MED13: variants seen among roughly 807,000 people sequenced by gnomAD.
MED13 encodes the protein mediator complex subunit 13.
Under a neutral mutation model 225.2 loss-of-function variants are expected in MED13, and 23 were observed. The ratio of observed to expected loss-of-function variants is 0.10; its 90% CI spans 0.07 to 0.14. The LOEUF (loss-of-function observed/expected upper bound fraction) is 0.14, where lower values mean the gene tolerates loss of function less well. Ranked by LOEUF, MED13 falls within the 10% of genes least tolerant of loss-of-function variation. The probability of loss-of-function intolerance (pLI) is 1.00; values close to 1 mark genes in which losing one functional copy is unlikely to be tolerated. For missense variants in MED13, 2,197 were observed against 2,594.5 expected (o/e 0.85, Z 3.33); for synonymous variants, 942 against 889.2 (o/e 1.06, Z -1.06).
In MED13 at chr17:61,996,290, C is replaced by T. The variant is rs550163225; in HGVS notation, c.1968-925G>A. On this transcript the variant is annotated intron_variant, in intron 9 of 29. Coordinates refer to ENST00000397786, the MANE Select transcript of MED13 (RefSeq NM_005121.3). ...TCATTAGCTTCTGGTTTGCATAAGA[C>T]ATGTTTAGACTCTCAAATTCCTATT... 1.2e-4 allele frequency among the ~76,000 whole-genome samples: 18 copies of T among 152,332 alleles called. No individual in the cohort carries two copies. In the East Asian group the frequency reaches 3.5e-3, roughly 29 times the overall value.
intron 11 of MED13, among the ~76,000 whole-genome samples, chr17:61,991,496 C>T (rs1250684130): frequency 2.6e-5 from 4 of 151,474 alleles, no homozygotes; most frequent in Admixed American, 1.3e-4. Flanking sequence ...TGCACCACCA[C>T]GCCCAGCTAA....
intron 17 of MED13, among the ~76,000 whole-genome samples, chr17:61,970,836 G>A (rs1183863693): frequency 6.6e-6 from 1 of 151,034 alleles, no homozygotes; most frequent in Non-Finnish European, 1.5e-5. Context: ...ACCAGCCTGG[G>A]CAACATGGCA....
rs376511078 is a variant in MED13, at chr17:62,029,854, T to C, written c.1169A>G (p.Asn390Ser). ...ACTTATAAATGAAAATACACACTTGTTCTGTGCTCTGTTCATATTGCATTC... is the reference window on the plus strand; with the variant it reads ...ACTTATAAATGAAAATACACACTTGCTCTGTGCTCTGTTCATATTGCATTC... ...WQECNMNRAQ[N>S]KRKYSASSGG... The change falls in exon 7 of 30, where the codon AAC becomes AGC. Residue 390 changes from asparagine to serine, a missense_variant. By Grantham distance (46) the Asn-to-Ser change is conservative. Transcript: ENST00000397786. The C allele has an allele frequency of 1.7e-4, 267 of 1,599,254 alleles. No individual in the cohort carries two copies. Among genetic ancestry groups the C allele is most frequent in the Non-Finnish European group, 2.2e-4 (261 of 1,175,350 alleles).
chr17:61,964,405 C>G (rs2080035324), intron 20 of MED13, among the ~76,000 whole-genome samples: 1 of 151,866 alleles, frequency 6.6e-6, no homozygotes, highest in Non-Finnish European at 1.5e-5. Context: ...AACCACATCT[C>G]TACAAAAAAG....
At chr17:62,011,796 C>G (rs1159004812) in intron 8 of MED13, among the ~76,000 whole-genome samples, 1 of 152,072 alleles carries the variant, frequency 6.6e-6, no homozygotes, top group Non-Finnish European at 1.5e-5. Context: ...CTTAGCACTA[C>G]AAAAAGAATA....
At chr17:61,988,743 T>C (rs1350165653) in intron 11 of MED13, among the ~76,000 whole-genome samples, 3 of 152,070 alleles carry the variant, frequency 2.0e-5, no homozygotes, top group Non-Finnish European at 2.9e-5. Flanking sequence ...TCGTTTTTTT[T>C]TTTAATGTAT....
At chr17:62,040,214 T>C (rs2080841707) in intron 3 of MED13, among the ~76,000 whole-genome samples, 1 of 152,240 alleles carries the variant, frequency 6.6e-6, no homozygotes. Flanking sequence ...ATTTTTGGTA[T>C]TTAACACTCA....
In MED13 at chr17:61,962,817, G is replaced by C. The variant is rs1225568821; in HGVS notation, c.4999C>G (p.Leu1667Val). The C allele has an allele frequency of 6.2e-7, 1 of 1,614,126 alleles. No homozygotes were observed. The highest frequency in any genetic ancestry group is 8.5e-7 in the Non-Finnish European group (1 of 1,180,022). The change falls in exon 21 of 30, where the codon CTT becomes GTT. Residue 1667 changes from leucine to valine, a missense_variant. This residue lies in a region of MED13 where 457 missense variants were observed against 442.2 expected (regional missense o/e 1.03). Coordinates refer to ENST00000397786, the MANE Select transcript of MED13 (RefSeq NM_005121.3). ...NSSSVWTLGL[L>V]RCFLEMVQTL... ...TGGACCATTTCTAGAAAGCATCGAA[G>C]TAGCCCCAATGTCCACACACTAGAA...
chr17:61,947,011 A>G lies in MED13; in HGVS notation c.6298T>C (p.Leu2100=), dbSNP rs202197852. The G allele has an allele frequency of 3.7e-6, 6 of 1,613,412 alleles. No individual in the cohort carries two copies. In the East Asian group the frequency reaches 1.3e-4, roughly 36 times the overall value. The change falls in exon 29 of 30, where the codon TTG becomes CTG. Residue 2100 remains leucine, a synonymous_variant. Coordinates refer to ENST00000397786, the MANE Select transcript of MED13 (RefSeq NM_005121.3). ...TGCACTGAAGGCACGTGGAGGTGCA[A>G]AGAGGCCTAAGAAGGTAACAGGTAA... is the stretch of plus-strand genomic sequence containing the variant. ...YQCPLFLKAS[L]HLHVPSVQSD... is the part of the protein sequence containing the mutation.
intron 8 of MED13, among the ~76,000 whole-genome samples, chr17:62,022,717 T>C (rs1282634999): frequency 6.6e-6 from 1 of 152,080 alleles, no homozygotes; most frequent in Non-Finnish European, 1.5e-5. Context: ...ATCAGAATAA[T>C]ACTTATGTGA....
chr17:61,995,630 G>A (rs576576308), intron 9 of MED13, among the ~76,000 whole-genome samples: 1 of 152,256 alleles, frequency 6.6e-6, no homozygotes, highest in African/African-American at 2.4e-5. Flanking sequence ...TCACGGTTTA[G>A]GTAACTCACG....
At chr17:62,051,845 C>G (rs1480562762) in intron 3 of MED13, among the ~76,000 whole-genome samples, 1 of 152,194 alleles carries the variant, frequency 6.6e-6, no homozygotes, top group Non-Finnish European at 1.5e-5. Flanking sequence ...CTCACTAACT[C>G]AATGACTGCT....
intron 6 of MED13, 58 bp from the exon 7 acceptor site, chr17:62,030,071 T>C: frequency 1.5e-6 from 2 of 1,355,652 alleles, no homozygotes; most frequent in Middle Eastern, 1.9e-4. Context: ...TAAAGTAACA[T>C]TATTTGGGTT....
Position 61,956,322 on chromosome 17 carries a change from T to C in MED13, c.5623+17A>G. The C allele has an allele frequency of 1.9e-6, 3 of 1,603,420 alleles. No individual in the cohort carries two copies. Among genetic ancestry groups the C allele is most frequent in the Non-Finnish European group, 2.5e-6 (3 of 1,176,474 alleles). On this transcript the variant is annotated intron_variant, in intron 24 of 29. Transcript: ENST00000397786. ...CATAAAACGGAAATATAAATACTAA[T>C]AAAAGCACAATTTTACCTTTCAATT...
intron 2 of MED13, among the ~76,000 whole-genome samples, chr17:62,054,466 G>T (rs954701618): frequency 6.6e-6 from 1 of 152,038 alleles, no homozygotes; most frequent in Non-Finnish European, 1.5e-5. Context: ...CAAAGACACC[G>T]TTATCTACTT....
intron 24 of MED13, 38 bp from the exon 25 acceptor site, chr17:61,955,876 A>T: frequency 6.7e-7 from 1 of 1,496,992 alleles, no homozygotes; most frequent in Non-Finnish European, 8.9e-7. Flanking sequence ...AAAAAAAAAA[A>T]AAAAATCAAA....
chr17:62,011,766 A>T (rs2080511743), intron 8 of MED13, among the ~76,000 whole-genome samples: 1 of 152,234 alleles, frequency 6.6e-6, no homozygotes, highest in South Asian at 2.1e-4. Flanking sequence ...GCCTCACACC[A>T]TACCTACCTT....
intron 17 of MED13, 102 bp downstream of exon 17, chr17:61,972,625 A>G: frequency 8.9e-7 from 1 of 1,119,162 alleles, no homozygotes; most frequent in South Asian, 1.8e-5. Context: ...AGAATATATC[A>G]CAAATATATT....
At chr17:62,008,590 G>A (rs376811498) in intron 9 of MED13, among the ~76,000 whole-genome samples, 6 of 151,994 alleles carry the variant, frequency 3.9e-5, no homozygotes, top group African/African-American at 1.4e-4. Flanking sequence ...AAACCAACAT[G>A]TAGCCAAATT....
Sources: allele counts gnomAD v4.1 joint callset (sites outside exome capture counted in the v4.1 genomes callset), GRCh38; gene constraint gnomAD v4.1.1; regional missense constraint gnomAD v4.1.1; transcripts MANE v1.5; gene names NCBI Gene and HGNC (gene_info 2026-07-23, HGNC 2026-07-21).